The following TENM2 variants were observed in gnomAD, a reference collection of about 807,000 sequenced individuals.
TENM2 encodes teneurin transmembrane protein 2, also known as teneurin-2.
In TENM2, 52 loss-of-function variants were observed where a neutral mutation model predicts 245.2. The observed-to-expected ratio is 0.21, with a 90% CI of 0.17 to 0.27. The LOEUF (loss-of-function observed/expected upper bound fraction) is 0.27, where lower values mean the gene tolerates loss of function less well. Ranked by LOEUF, TENM2 falls within the 10% of genes least tolerant of loss-of-function variation. The pLI is 1.00. For synonymous variants in TENM2, 1,363 were observed against 1,438.9 expected, an observed-to-expected ratio of 0.95 and a Z score of 1.19; for missense variants, 3,046 against 3,666.8, an observed-to-expected ratio of 0.83 and a Z score of 4.37.
At chr5:167,296,893 A>G (rs1294919505) in intron 1 of TENM2, among the ~76,000 whole-genome samples, 2 of 152,196 alleles carry the variant, frequency 1.3e-5, no homozygotes, top group Non-Finnish European at 2.9e-5. Flanking sequence ...TAAGGGGACA[A>G]TGACTGTGGC....
At chr5:167,779,458 T>A (rs2150822036) in intron 2 of TENM2, among the ~76,000 whole-genome samples, 1 of 152,326 alleles carries the variant, frequency 6.6e-6, no homozygotes, top group African/African-American at 2.4e-5. Flanking sequence ...GGATCCTCAG[T>A]CACCTTGACC....
At chr5:167,047,541 A>G in the TENM2 span, among the ~76,000 whole-genome samples, 3 of 152,214 alleles carry the variant, frequency 2.0e-5, no homozygotes, top group African/African-American at 7.2e-5. Flanking sequence ...GGAAAAGAAG[A>G]CTTTTATATG....
chr5:167,635,520 T>C (rs948409488), intron 2 of TENM2, among the ~76,000 whole-genome samples: 1 of 152,104 alleles, frequency 6.6e-6, no homozygotes, highest in Admixed American at 6.5e-5. Flanking sequence ...TAAATAAGCA[T>C]TTCAGCCATT....
chr5:168,082,672 G>A (rs542343983), intron 7 of TENM2, among the ~76,000 whole-genome samples: 4 of 152,280 alleles, frequency 2.6e-5, no homozygotes, highest in African/African-American at 9.6e-5. Context: ...CCCTCTAACA[G>A]TCAGGACCCT....
chr5:167,496,781 C>T (rs537828340), intron 2 of TENM2, among the ~76,000 whole-genome samples: 109 of 152,112 alleles, frequency 7.2e-4, no homozygotes, highest in Non-Finnish European at 1.3e-3. Context: ...ACTGTAGAAC[C>T]GGGGATGCTA....
At chr5:167,627,562 C>CTT (rs34785510) in intron 2 of TENM2, among the ~76,000 whole-genome samples, 154 of 145,314 alleles carry the variant, frequency 1.1e-3, no homozygotes, top group Middle Eastern at 3.6e-3. Context: ...GACTCTACTT[C>CTT]TTTTTTTTTT....
the TENM2 span, among the ~76,000 whole-genome samples, chr5:167,102,247 T>G: frequency 6.6e-6 from 1 of 151,650 alleles, no homozygotes; most frequent in South Asian, 2.1e-4. Flanking sequence ...AAATTAAACA[T>G]TTATACATAT....
intron 2 of TENM2, among the ~76,000 whole-genome samples, chr5:167,859,122 G>T (rs1284025890): frequency 8.1e-6 from 1 of 123,342 alleles, no homozygotes; most frequent in African/African-American, 3.1e-5. Flanking sequence ...CTGCCCCGCC[G>T]CCCCATCTGG....
At chr5:167,135,683 A>G in the TENM2 span, among the ~76,000 whole-genome samples, 2 of 152,164 alleles carry the variant, frequency 1.3e-5, no homozygotes, top group East Asian at 1.9e-4. Context: ...AGGCTGAGGC[A>G]GGAGACTCAC....
chr5:167,515,098 G>A (rs771390291), intron 2 of TENM2, among the ~76,000 whole-genome samples: 17 of 152,160 alleles, frequency 1.1e-4, no homozygotes, highest in Non-Finnish European at 2.4e-4. Context: ...GGTAAACACC[G>A]AAAGTGAGAG....
At chr5:167,839,632 T>C (rs998477474) in intron 2 of TENM2, among the ~76,000 whole-genome samples, 2 of 152,114 alleles carry the variant, frequency 1.3e-5, no homozygotes, top group Non-Finnish European at 2.9e-5. Flanking sequence ...TAATGCCCTG[T>C]CTTCCAATAT....
At chr5:167,946,094 G>T (rs1220936319) in intron 3 of TENM2, among the ~76,000 whole-genome samples, 1 of 152,232 alleles carries the variant, frequency 6.6e-6, no homozygotes, top group African/African-American at 2.4e-5. Context: ...CCATTCTTTA[G>T]GAGATAAGTC....
At chr5:167,181,008 A>G in the TENM2 span, among the ~76,000 whole-genome samples, 1 of 152,010 alleles carries the variant, frequency 6.6e-6, no homozygotes, top group Non-Finnish European at 1.5e-5. Flanking sequence ...TACGCAGTTC[A>G]AACCTGCATT....
In TENM2 at chr5:167,670,899, A is replaced by G. The variant is rs115597165; in HGVS notation, c.503-205087A>G. 4.4e-3 allele frequency among the ~76,000 whole-genome samples: 664 copies of G among 152,076 alleles called. 2 individuals carry two copies. The highest frequency in any genetic ancestry group is 0.015 in the African/African-American group (627 of 41,494). On this transcript the variant is annotated intron_variant, in intron 2 of 28. Coordinates refer to ENST00000518659, the Ensembl canonical transcript of TENM2. Reference sequence around the variant, plus strand: ...TCTTTTTTGCATCCCAAGCCATTGCATTTACTCAGCTCTGTAGGAGAGACT... The same window carrying G: ...TCTTTTTTGCATCCCAAGCCATTGCGTTTACTCAGCTCTGTAGGAGAGACT...
chr5:168,019,758 A>C (rs930945221), intron 5 of TENM2, among the ~76,000 whole-genome samples: 5 of 152,240 alleles, frequency 3.3e-5, no homozygotes, highest in Non-Finnish European at 7.3e-5. Context: ...ATTTTCATGC[A>C]TGTAATGAAA....
chr5:168,181,074 A>G (rs775534763), intron 13 of TENM2, among the ~76,000 whole-genome samples: 18 of 152,230 alleles, frequency 1.2e-4, no homozygotes, highest in Non-Finnish European at 2.1e-4. Flanking sequence ...GAGCAACAAC[A>G]TAGACATCAC....
At chr5:167,215,020 G>A in the TENM2 span, among the ~76,000 whole-genome samples, 10 of 152,026 alleles carry the variant, frequency 6.6e-5, no homozygotes, top group African/African-American at 1.9e-4. Flanking sequence ...GTTCTCTCTA[G>A]GAATTTTTCA....
chr5:167,007,163 C>A, the TENM2 span, among the ~76,000 whole-genome samples: 1 of 152,146 alleles, frequency 6.6e-6, no homozygotes, highest in Admixed American at 6.6e-5. This position sits in a 1 kb window ranked among gnomAD's most constrained non-coding sequence, Gnocchi z 4.2. Context: ...ATTATTATCA[C>A]AATGATTTAA....
chr5:167,754,985 C>T, intron 2 of TENM2: 1 of 1,560,352 alleles, frequency 6.4e-7, no homozygotes, highest in Non-Finnish European at 8.7e-7. Flanking sequence ...CAGACTGGGA[C>T]TGCTGGTGAT....
Sources: allele counts gnomAD v4.1 joint callset (sites outside exome capture counted in the v4.1 genomes callset), GRCh38; gene constraint gnomAD v4.1.1; non-coding constraint Gnocchi (gnomAD v3.1); transcripts MANE v1.5; gene names NCBI Gene and HGNC (gene_info 2026-07-23, HGNC 2026-07-21).